The following BICD1 variants were observed in gnomAD, a reference collection of about 807,000 sequenced individuals.
The protein encoded by BICD1 is protein bicaudal D homolog 1.
Under a neutral mutation model 92.5 loss-of-function variants are expected in BICD1, and 35 were observed. That is an observed-to-expected ratio of 0.38 (90% CI 0.29 to 0.50). The LOEUF is 0.50. BICD1 is among the 20% of genes least tolerant of loss of function. The pLI is 0.93. For synonymous variants in BICD1, 429 were observed against 465.1 expected (o/e 0.92, Z 1.00); for missense variants, 950 against 1,189.8 (o/e 0.80, Z 2.97).
intron 2 of BICD1, among the ~76,000 whole-genome samples, chr12:32,232,962 G>A (rs777313251): frequency 4.6e-5 from 7 of 152,116 alleles, no homozygotes; most frequent in African/African-American, 7.2e-5. Context: ...TTAAGCCAGC[G>A]CCAAATGGAA....
chr12:32,282,498 A>G (rs751501288), intron 2 of BICD1, among the ~76,000 whole-genome samples: 4 of 152,066 alleles, frequency 2.6e-5, no homozygotes, highest in Non-Finnish European at 4.4e-5. Context: ...GATGAGTGGG[A>G]GAAGGATACT....
chr12:32,293,503 T>C (rs1290979766), intron 2 of BICD1, among the ~76,000 whole-genome samples: 5 of 149,818 alleles, frequency 3.3e-5, no homozygotes, highest in Admixed American at 2.7e-4. Flanking sequence ...TTTTTTTTGG[T>C]ATTTTTAGTA....
At chr12:32,219,653 A>T (rs975952089) in intron 2 of BICD1, among the ~76,000 whole-genome samples, 3 of 152,132 alleles carry the variant, frequency 2.0e-5, no homozygotes, top group Admixed American at 6.5e-5. Context: ...TTCTCTTGTG[A>T]TATGAATCAG....
chr12:32,182,278 C>CTTTTT (rs759328721), intron 1 of BICD1, among the ~76,000 whole-genome samples: 950 of 81,290 alleles, frequency 0.012, 3 homozygotes, highest in Non-Finnish European at 0.013. Flanking sequence ...TTCTTTCTTT[C>CTTTTT]TTTTTTTTTT....
In BICD1 at chr12:32,328,470, A is replaced by G; in HGVS notation, c.2015A>G (p.Glu672Gly). 1 of 1,614,206 alleles carries G rather than the reference A, an allele frequency of 6.2e-7. No homozygotes were observed. The highest frequency in any genetic ancestry group is 8.5e-7 in the Non-Finnish European group (1 of 1,180,034). ...MIDKDKEALM[E>G]EILKLKSLLS... ...GATAAAGACAAGGAAGCCTTAATGG[A>G]AGAGATCCTCAAGCTAAAGTCCCTG... The change falls in exon 5 of 10, where the codon GAA (glutamate) becomes GGA (glycine). Residue 672 changes from glutamate (E) to glycine (G), a missense_variant. By Grantham distance (98) the Glu-to-Gly change is moderately conservative. Transcript: ENST00000652176. This position sits in a 1 kb window ranked among gnomAD's most constrained non-coding sequence, Gnocchi z 4.4.
chr12:32,213,587 G>T (rs1945277261), intron 1 of BICD1, among the ~76,000 whole-genome samples: 1 of 152,116 alleles, frequency 6.6e-6, no homozygotes, highest in Non-Finnish European at 1.5e-5. Flanking sequence ...GTACAGACAG[G>T]GTTTTGCCAT....
At chr12:32,191,664 TTA>T (rs1230701758) in intron 1 of BICD1, among the ~76,000 whole-genome samples, 1 of 147,884 alleles carries the variant, frequency 6.8e-6, no homozygotes, top group Non-Finnish European at 1.5e-5. Context: ...GCAATATATG[TTA>T]TATATAATAT....
Position 32,333,240 on chromosome 12 carries a change from C to G in BICD1, c.2101-1276C>G, listed in dbSNP as rs1160625603. On this transcript the variant is annotated intron_variant, in intron 5 of 9. Transcript: ENST00000652176. ...AAACAACTGCCGTTTTTCCCCAGGT[C>G]AATTTCTGCCTTGTGGATAATTTTC... 5 of 985,142 alleles carry G rather than the reference C, an allele frequency of 5.1e-6. No homozygotes were observed. The African/African-American group carries it at 8.7e-5, about 17-fold the overall frequency. 61.0% of individuals were successfully genotyped at this position (985,142 alleles called of 1,614,324 possible). A position where few individuals can be genotyped will look rare whatever the true frequency, so the allele number is the denominator to read the frequency against.
At chr12:32,336,986 G>C (rs1938156451) in intron 6 of BICD1, among the ~76,000 whole-genome samples, 1 of 152,228 alleles carries the variant, frequency 6.6e-6, no homozygotes. Flanking sequence ...GCTCATGCCA[G>C]TAATCCCAGC....
intron 2 of BICD1, among the ~76,000 whole-genome samples, chr12:32,243,988 T>A (rs904968238): frequency 1.3e-4 from 20 of 152,296 alleles, no homozygotes; most frequent in African/African-American, 4.6e-4. Flanking sequence ...TACATTCTTA[T>A]CCGTATTAAT....
At chr12:32,285,602 A>T (rs1467870493) in intron 2 of BICD1, among the ~76,000 whole-genome samples, 2 of 152,200 alleles carry the variant, frequency 1.3e-5, no homozygotes, top group African/African-American at 4.8e-5. Flanking sequence ...TAATTAAACT[A>T]AACTGTAAGA....
intron 2 of BICD1, among the ~76,000 whole-genome samples, chr12:32,262,660 A>C (rs968882927): frequency 6.6e-6 from 1 of 152,218 alleles, no homozygotes; most frequent in Non-Finnish European, 1.5e-5. Flanking sequence ...AAGTATCCTT[A>C]TAAGAGACAG....
At chr12:32,232,390 T>A (rs1286104610) in intron 2 of BICD1, among the ~76,000 whole-genome samples, 3 of 152,158 alleles carry the variant, frequency 2.0e-5, no homozygotes, top group Non-Finnish European at 4.4e-5. Context: ...TGTCTTCTTC[T>A]GAGAAGTGTC....
intron 2 of BICD1, among the ~76,000 whole-genome samples, chr12:32,233,506 C>T (rs1945960883): frequency 6.6e-6 from 1 of 151,452 alleles, no homozygotes; most frequent in Non-Finnish European, 1.5e-5. Context: ...TCTCTCTTGC[C>T]TCCCTCCCTC....
In BICD1 at chr12:32,328,180, G is replaced by A. The variant is rs755594776; in HGVS notation, c.1725G>A (p.Arg575=). Residue 575 remains arginine, a synonymous_variant, in exon 5 of 10, where the codon AGG becomes AGA. Transcript: ENST00000652176. The surrounding 1 kb of genome is among the most constrained non-coding windows in gnomAD (Gnocchi z 4.4). ...GTGTGTCATCCCCGGTAGAAACAAG[G>A]ACCTCATCTGAACCAGTTGCAAAAG... ...RRGVSSPVET[R]TSSEPVAKES... 22 of 1,614,082 alleles carry A rather than the reference G, an allele frequency of 1.4e-5. No individual in the cohort carries two copies. The South Asian group carries it at 2.2e-4, about 16-fold the overall frequency.
chr12:32,331,055 A>AC (rs1937842954), intron 5 of BICD1, among the ~76,000 whole-genome samples: 1 of 151,604 alleles, frequency 6.6e-6, no homozygotes. Context: ...AATCACTTGA[A>AC]CCCCGGGGGG....
intron 8 of BICD1, among the ~76,000 whole-genome samples, chr12:32,346,576 ATATATAC>A (rs1938602706): frequency 2.6e-5 from 1 of 38,316 alleles, no homozygotes; most frequent in African/African-American, 1.8e-4. Context: ...ATATATATAT[ATATATAC>A]GTGTATATAT....
chr12:32,372,341 A>G (rs1361431254), intron 9 of BICD1, among the ~76,000 whole-genome samples: 1 of 152,094 alleles, frequency 6.6e-6, no homozygotes, highest in Non-Finnish European at 1.5e-5. Flanking sequence ...TTAGCCAGGC[A>G]TGGTGGCAGG....
At chr12:32,251,946 TG>T (rs1470197851) in intron 2 of BICD1, among the ~76,000 whole-genome samples, 14 of 129,334 alleles carry the variant, frequency 1.1e-4, no homozygotes, top group East Asian at 2.1e-4. Context: ...CTCGGGAGTT[TG>T]TTTTTTTTAC....
Sources: allele counts gnomAD v4.1 joint callset (sites outside exome capture counted in the v4.1 genomes callset), GRCh38; gene constraint gnomAD v4.1.1; non-coding constraint Gnocchi (gnomAD v3.1); transcripts MANE v1.5; gene names NCBI Gene and HGNC (gene_info 2026-07-23, HGNC 2026-07-21).